The following EFL1 variants were observed in gnomAD, a reference collection of about 807,000 sequenced individuals.
The protein encoded by EFL1 is elongation factor like GTPase 1, also known as elongation factor-like GTPase 1.
In EFL1, 76 loss-of-function variants were observed where a neutral mutation model predicts 126.7. The observed-to-expected ratio is 0.60, with a 90% CI of 0.50 to 0.73. EFL1 has a LOEUF of 0.73. Among genes scored for constraint, EFL1 ranks in the 30% least tolerant of loss-of-function variants. The probability of loss-of-function intolerance (pLI) is 0.00; values close to 1 mark genes in which losing one functional copy is unlikely to be tolerated. For synonymous variants in EFL1, 410 were observed against 448.4 expected (o/e 0.91, Z 1.08); for missense variants, 1,128 against 1,343.2 (o/e 0.84, Z 2.50).
intron 19 of EFL1, among the ~76,000 whole-genome samples, chr15:82,133,378 A>G (rs1022243804): frequency 2.6e-5 from 4 of 152,168 alleles, no homozygotes; most frequent in African/African-American, 9.7e-5. Flanking sequence ...ATGGTAAAGC[A>G]CCTGGCATAT....
intron 15 of EFL1, among the ~76,000 whole-genome samples, chr15:82,180,385 AAAC>A (rs1595964454): frequency 3.0e-5 from 3 of 100,974 alleles, no homozygotes; most frequent in Middle Eastern, 4.4e-3. Flanking sequence ...AAAAAAAAAC[AAAC>A]AAAAAAAACC....
intron 3 of EFL1, among the ~76,000 whole-genome samples, chr15:82,255,785 G>A (rs983107585): frequency 5.3e-5 from 8 of 152,056 alleles, no homozygotes; most frequent in East Asian, 1.9e-4. Context: ...ATTCTGAGCC[G>A]TCAGTCAATT....
At chr15:82,181,561 C>T (rs751543686) in intron 15 of EFL1, among the ~76,000 whole-genome samples, 1 of 151,856 alleles carries the variant, frequency 6.6e-6, no homozygotes, top group Non-Finnish European at 1.5e-5. Flanking sequence ...CACTCTTCAT[C>T]GGGAAAGTAT....
At chr15:82,225,520 G>A (rs1209783983) in intron 11 of EFL1, among the ~76,000 whole-genome samples, 3 of 152,100 alleles carry the variant, frequency 2.0e-5, no homozygotes, top group African/African-American at 7.2e-5. Flanking sequence ...CAGGGTGAGG[G>A]ATCTCATATG....
In EFL1 at chr15:82,163,781, T is replaced by C. The variant is rs376157591; in HGVS notation, c.1882+72A>G. ...TACTGCTGAAACAAGTCATGAGGAA[T>C]CAAATACTAAATACATGCATATGCT... On this transcript the variant is annotated intron_variant, in intron 16 of 19. Coordinates refer to ENST00000268206, the MANE Select transcript of EFL1 (RefSeq NM_024580.6). 9.2e-4 allele frequency: 1,406 copies of C among 1,534,434 alleles called. 25 individuals carry two copies. The South Asian group carries it at 0.015, about 17-fold the overall frequency.
chr15:82,155,111 A>G (rs1232037456), intron 17 of EFL1, among the ~76,000 whole-genome samples: 2 of 152,178 alleles, frequency 1.3e-5, no homozygotes, highest in African/African-American at 2.4e-5. Context: ...CACTGAGATC[A>G]TTCTATAGAA....
intron 3 of EFL1, 66 bp downstream of exon 3, chr15:82,259,022 A>C (rs1294323499): frequency 2.2e-6 from 3 of 1,394,254 alleles, no homozygotes; most frequent in African/African-American, 2.8e-5. Flanking sequence ...AACACAGAAA[A>C]TGGTTCATCA....
At chr15:82,197,752 T>A (rs934612246) in intron 15 of EFL1, among the ~76,000 whole-genome samples, 2 of 152,044 alleles carry the variant, frequency 1.3e-5, no homozygotes, top group Admixed American at 1.3e-4. Context: ...CCAAAATAAA[T>A]TTAAATGCCT....
Position 82,151,559 on chromosome 15 carries a change from C to G in EFL1, c.2895G>C (p.Met965Ile). The G allele has an allele frequency of 6.2e-7, 1 of 1,614,152 alleles. No individual in the cohort carries two copies. The highest frequency in any genetic ancestry group is 8.5e-7 in the Non-Finnish European group (1 of 1,180,028). The change falls in exon 18 of 20, where the codon ATG (methionine) becomes ATC (isoleucine). Residue 965 changes from methionine to isoleucine, a missense_variant. Transcript: ENST00000268206. ...GPFSGQLIAT[M>I]KEACRYALQV... ...GCAGTGCATAGCGACATGCTTCTTTCATGGTGGCAATTAGCTGTCCTGAGA... is the reference window on the plus strand; with the variant it reads ...GCAGTGCATAGCGACATGCTTCTTTGATGGTGGCAATTAGCTGTCCTGAGA...
At chr15:82,191,033 A>AG (rs1567057187) in intron 15 of EFL1, among the ~76,000 whole-genome samples, 8 of 151,710 alleles carry the variant, frequency 5.3e-5, no homozygotes, top group African/African-American at 1.5e-4. Flanking sequence ...ATAAAAAAAA[A>AG]AGGGGGGGGA....
intron 19 of EFL1, among the ~76,000 whole-genome samples, chr15:82,134,152 G>C (rs574305258): frequency 6.6e-6 from 1 of 152,316 alleles, no homozygotes; most frequent in Admixed American, 6.5e-5. Context: ...CACTACTCCT[G>C]CATCTGTGTG....
At chr15:82,149,556 G>C (rs1467816697) in intron 18 of EFL1, among the ~76,000 whole-genome samples, 1 of 152,182 alleles carries the variant, frequency 6.6e-6, no homozygotes, top group Non-Finnish European at 1.5e-5. Flanking sequence ...TATGTGAGGT[G>C]CTGTGTTCAA....
At chr15:82,141,577 A>G (rs1284110673) in intron 18 of EFL1, among the ~76,000 whole-genome samples, 1 of 151,436 alleles carries the variant, frequency 6.6e-6, no homozygotes, top group Non-Finnish European at 1.5e-5. Context: ...CTGAGGCAGG[A>G]GAATCGCTTG....
intron 14 of EFL1, among the ~76,000 whole-genome samples, chr15:82,216,210 T>C (rs1290294184): frequency 6.6e-6 from 1 of 152,140 alleles, no homozygotes; most frequent in Non-Finnish European, 1.5e-5. Flanking sequence ...TAAAACTTCA[T>C]GAAAAACATT....
intron 15 of EFL1, among the ~76,000 whole-genome samples, chr15:82,214,271 G>A (rs1388075502): frequency 6.6e-6 from 1 of 152,158 alleles, no homozygotes; most frequent in Non-Finnish European, 1.5e-5. Flanking sequence ...AGATATAAAC[G>A]ACGATCAACT....
intron 15 of EFL1, among the ~76,000 whole-genome samples, chr15:82,169,631 A>G (rs1213449555): frequency 6.6e-6 from 1 of 150,558 alleles, no homozygotes; most frequent in South Asian, 2.1e-4. Flanking sequence ...ACTCTTTCAT[A>G]TTTTTTTTTC....
At chr15:82,203,187 A>G (rs1246338189) in intron 15 of EFL1, among the ~76,000 whole-genome samples, 3 of 152,210 alleles carry the variant, frequency 2.0e-5, no homozygotes, top group African/African-American at 7.2e-5. Flanking sequence ...TAAAACAGAC[A>G]ATATAGGTCC....
intron 15 of EFL1, among the ~76,000 whole-genome samples, chr15:82,166,533 T>C (rs2074081332): frequency 6.6e-6 from 1 of 152,242 alleles, no homozygotes; most frequent in Non-Finnish European, 1.5e-5. Flanking sequence ...ACCATTAAGA[T>C]GATCTAGATG....
At position 82,238,223 on chromosome 15, in the gene EFL1, T is replaced by G. The variant is rs1377271942; in HGVS notation, c.731+84A>C. 4.2e-6 allele frequency: 6 copies of G among 1,429,514 alleles called. No homozygotes were observed. In the East Asian group the frequency reaches 1.1e-4, roughly 27 times the overall value. 88.6% of individuals were successfully genotyped at this position (1,429,514 alleles called of 1,614,324 possible). A position where few individuals can be genotyped will look rare whatever the true frequency, so the allele number is the denominator to read the frequency against. ...TTACAACTATAGGTGAATCTATAAT[T>G]ATCTCAAAATAAAAGTTTCACTAAA... On this transcript the variant is annotated intron_variant, in intron 7 of 19. Transcript: ENST00000268206.
Sources: allele counts gnomAD v4.1 joint callset (sites outside exome capture counted in the v4.1 genomes callset), GRCh38; gene constraint gnomAD v4.1.1; transcripts MANE v1.5; gene names NCBI Gene and HGNC (gene_info 2026-07-23, HGNC 2026-07-21).